The following BNC2 variants were observed in gnomAD, a reference collection of about 807,000 sequenced individuals.
BNC2 encodes basonuclin zinc finger protein 2.
Under a neutral mutation model 76.3 loss-of-function variants are expected in BNC2, and 20 were observed. The observed-to-expected ratio is 0.26, with a 90% CI of 0.18 to 0.38. The LOEUF is 0.38. BNC2 is among the 10% of genes least tolerant of loss of function. The probability of loss-of-function intolerance (pLI) is 1.00; values close to 1 mark genes in which losing one functional copy is unlikely to be tolerated. For missense variants in BNC2, 1,382 were observed against 1,399.8 expected (o/e 0.99, Z 0.20); for synonymous variants, 582 against 514.8 (o/e 1.13, Z -1.77).
rs1471639046 is a variant in BNC2, at chr9:16,410,969, T to A, written c.*8020A>T. On this transcript the variant is annotated 3_prime_UTR_variant, in exon 7 of 7. Coordinates refer to ENST00000380672, the MANE Select transcript of BNC2 (RefSeq NM_017637.6). Reference sequence around the variant, plus strand: ...ACCTCATGAATCATGCTTCTCGCAGTGGCCACAGCACCGATTCACAGATGG... The same window carrying A: ...ACCTCATGAATCATGCTTCTCGCAGAGGCCACAGCACCGATTCACAGATGG... The A allele has an allele frequency of 1.3e-5, 2 of 152,218 alleles. No homozygotes were observed. Among genetic ancestry groups the A allele is most frequent in the African/African-American group, 4.8e-5 (2 of 41,452 alleles). The allele number at this position is 152,218 out of a possible 1,614,324, so 9.4% of individuals were successfully genotyped here. A position where few individuals can be genotyped will look rare whatever the true frequency, so the allele number is the denominator to read the frequency against.
Position 16,419,310 on chromosome 9 carries a change from A to G in BNC2, c.2979T>C (p.Ile993=). ...GSDEGILLDD[I]DGASDSGESA... ...ACTCCCCACTGTCACTCGCCCCGTCAATGTCATCGAGAAGAATCCCCTCAT... is the reference window on the plus strand; with the variant it reads ...ACTCCCCACTGTCACTCGCCCCGTCGATGTCATCGAGAAGAATCCCCTCAT... Residue 993 remains isoleucine, a synonymous_variant, in exon 7 of 7, where the codon ATT becomes ATC. Coordinates refer to ENST00000380672, the MANE Select transcript of BNC2 (RefSeq NM_017637.6). 2 of 1,613,692 alleles carry G rather than the reference A, an allele frequency of 1.2e-6. No individual in the cohort carries two copies. The highest frequency in any genetic ancestry group is 1.7e-6 in the Non-Finnish European group (2 of 1,179,706).
chr9:16,796,169 T>C (rs1382314268), intron 1 of BNC2, among the ~76,000 whole-genome samples: 1 of 152,226 alleles, frequency 6.6e-6, no homozygotes, highest in African/African-American at 2.4e-5. Flanking sequence ...AAAATGGCAT[T>C]AACCATTCAC....
intron 1 of BNC2, among the ~76,000 whole-genome samples, chr9:16,820,138 A>C (rs2135937110): frequency 6.7e-6 from 1 of 149,850 alleles, no homozygotes; most frequent in African/African-American, 2.5e-5. Flanking sequence ...AAAAAAAAAA[A>C]AAAAGGGCTG....
chr9:16,562,455 T>C (rs750173246), intron 4 of BNC2, among the ~76,000 whole-genome samples: 7 of 152,216 alleles, frequency 4.6e-5, no homozygotes, highest in Non-Finnish European at 8.8e-5. Flanking sequence ...AAGGTGTGGA[T>C]AGAAATGTTA....
chr9:16,536,651 C>T (rs1246092806), intron 5 of BNC2, among the ~76,000 whole-genome samples: 1 of 151,992 alleles, frequency 6.6e-6, no homozygotes, highest in Non-Finnish European at 1.5e-5. Context: ...GTATATATAT[C>T]CCATAAATAT....
At chr9:16,656,607 A>C (rs1821937829) in intron 3 of BNC2, among the ~76,000 whole-genome samples, 1 of 152,240 alleles carries the variant, frequency 6.6e-6, no homozygotes, top group Non-Finnish European at 1.5e-5. Context: ...CACCACAACC[A>C]GAATAATAAA....
In BNC2 at chr9:16,425,118, A is replaced by G. The variant is rs1449953556; in HGVS notation, c.2640-5469T>C. Among the ~76,000 whole-genome samples the G allele has an allele frequency of 2.6e-5, 4 of 152,326 alleles. No homozygotes were observed. In the East Asian group the frequency reaches 7.7e-4, roughly 29 times the overall value. ...TAAATGCAAGAAACAAAATCTAAGC[A>G]AATTCTTGCAAATTAAAAGTATGAA... On this transcript the variant is annotated intron_variant, in intron 6 of 6. Coordinates refer to ENST00000380672, the MANE Select transcript of BNC2 (RefSeq NM_017637.6).
chr9:16,451,861 A>C (rs1193429965), intron 5 of BNC2, among the ~76,000 whole-genome samples: 1 of 152,198 alleles, frequency 6.6e-6, no homozygotes, highest in Non-Finnish European at 1.5e-5. Flanking sequence ...AGAAGACTCA[A>C]TGCTCACAGA....
intron 1 of BNC2, among the ~76,000 whole-genome samples, chr9:16,825,509 A>G (rs1272378237): frequency 6.6e-6 from 1 of 152,112 alleles, no homozygotes; most frequent in Admixed American, 6.5e-5. Context: ...TGACTGCACT[A>G]CTAGAAAAGA....
chr9:16,661,893 TAACTC>T (rs1406987447), intron 3 of BNC2, among the ~76,000 whole-genome samples: 1 of 152,238 alleles, frequency 6.6e-6, no homozygotes, highest in Non-Finnish European at 1.5e-5. Context: ...TGAAATTATT[TAACTC>T]AACTACTTAG....
chr9:16,775,161 G>A (rs1217869211), intron 1 of BNC2, among the ~76,000 whole-genome samples: 1 of 152,168 alleles, frequency 6.6e-6, no homozygotes, highest in Non-Finnish European at 1.5e-5. Context: ...CCTGGGGGTA[G>A]GGGCCCAGCA....
At chr9:16,520,563 G>A (rs1237366163) in intron 5 of BNC2, among the ~76,000 whole-genome samples, 1 of 152,178 alleles carries the variant, frequency 6.6e-6, no homozygotes, top group African/African-American at 2.4e-5. Context: ...AGCATAGATA[G>A]CAAGAGTTGG....
At chr9:16,503,504 G>A (rs1822563819) in intron 5 of BNC2, among the ~76,000 whole-genome samples, 1 of 152,084 alleles carries the variant, frequency 6.6e-6, no homozygotes, top group Non-Finnish European at 1.5e-5. Context: ...GGAAAGGGGA[G>A]AGGACATTCA....
intron 5 of BNC2, among the ~76,000 whole-genome samples, chr9:16,456,836 C>A (rs192552571): frequency 6.6e-6 from 1 of 152,020 alleles, no homozygotes; most frequent in Non-Finnish European, 1.5e-5. Flanking sequence ...TAAAAAACAT[C>A]AAAAAATTTA....
At chr9:16,799,231 A>T (rs1269366567) in intron 1 of BNC2, among the ~76,000 whole-genome samples, 3 of 152,204 alleles carry the variant, frequency 2.0e-5, no homozygotes, top group African/African-American at 7.2e-5. Context: ...AACAACTGAT[A>T]ATATTGACCT....
At chr9:16,689,462 C>A (rs1010566440) in intron 3 of BNC2, among the ~76,000 whole-genome samples, 1 of 152,068 alleles carries the variant, frequency 6.6e-6, no homozygotes, top group Non-Finnish European at 1.5e-5. Context: ...AGGCATCTGC[C>A]TGATAGACAC....
At chr9:16,541,829 T>C (rs1019091398) in intron 5 of BNC2, among the ~76,000 whole-genome samples, 11 of 152,104 alleles carry the variant, frequency 7.2e-5, no homozygotes, top group East Asian at 3.9e-4. Flanking sequence ...TAAACCAATA[T>C]TGTCACTGAT....
chr9:16,435,722 A>G lies in BNC2; in HGVS notation c.2472T>C (p.Gly824=). 6.2e-7 allele frequency: 1 copy of G among 1,614,088 alleles called. No homozygotes were observed. The highest frequency in any genetic ancestry group is 8.5e-7 in the Non-Finnish European group (1 of 1,180,018). ...TGGGGTCTGGGCTAGAACATAGGTC[A>G]CCTTCTGGGGAGAACTTTTGAGGGC... ...YGSPQKFSPE[G]DLCSSPDPKI... is the part of the protein sequence containing the mutation. The change falls in exon 6 of 7, where the codon GGT becomes GGC. Residue 824 remains glycine, a synonymous_variant. Coordinates refer to ENST00000380672, the MANE Select transcript of BNC2 (RefSeq NM_017637.6).
At chr9:16,857,769 T>C (rs566425112) in intron 1 of BNC2, among the ~76,000 whole-genome samples, 32 of 152,184 alleles carry the variant, frequency 2.1e-4, no homozygotes, top group Admixed American at 5.9e-4. Flanking sequence ...CAGTGAAGAA[T>C]GGTCCATCAG....
Sources: gnomAD v4.1 joint callset for allele counts (sites outside exome capture counted in the v4.1 genomes callset) on GRCh38, gnomAD v4.1.1 for gene constraint, MANE v1.5 for transcripts, NCBI Gene and HGNC (gene_info 2026-07-23, HGNC 2026-07-21) for gene names.